Variants in HDAC9 observed in about 807,000 individuals in gnomAD.
HDAC9 encodes MEF-2 interacting transcription repressor (MITR) protein.
A neutral mutation model predicts 139.4 loss-of-function variants in HDAC9; 41 were observed. That is an observed-to-expected ratio of 0.29 (90% CI 0.23 to 0.38). The LOEUF is 0.38. HDAC9 is among the 10% of genes least tolerant of loss of function. The pLI is 1.00. For missense variants in HDAC9, 1,147 were observed against 1,297.0 expected, an observed-to-expected ratio of 0.88 and a Z score of 1.78; for synonymous variants, 517 against 476.2, an observed-to-expected ratio of 1.09 and a Z score of -1.12.
At chr7:18,758,310 G>A (rs1016128751) in intron 14 of HDAC9, among the ~76,000 whole-genome samples, 8 of 151,934 alleles carry the variant, frequency 5.3e-5, no homozygotes, top group South Asian at 2.1e-4. Flanking sequence ...GATATCCTTC[G>A]GACCAAGTAT....
chr7:18,485,443 TTA>T (rs1417132396), intron 1 of HDAC9, among the ~76,000 whole-genome samples: 1 of 149,726 alleles, frequency 6.7e-6, no homozygotes, highest in Non-Finnish European at 1.5e-5. Context: ...CATATTTAAT[TTA>T]TATATATTTA....
intron 1 of HDAC9, among the ~76,000 whole-genome samples, chr7:18,338,056 T>G (rs1259147408): frequency 6.6e-6 from 1 of 151,780 alleles, no homozygotes. Context: ...CACTATTGTT[T>G]TGATATTTAA....
chr7:18,633,098 G>A (rs1485215674), intron 7 of HDAC9, among the ~76,000 whole-genome samples: 2 of 152,046 alleles, frequency 1.3e-5, no homozygotes, highest in Non-Finnish European at 1.5e-5. Flanking sequence ...GACATATGAA[G>A]TCATGATACT....
intron 12 of HDAC9, among the ~76,000 whole-genome samples, chr7:18,726,333 T>C (rs1250938128): frequency 2.0e-5 from 3 of 152,094 alleles, no homozygotes; most frequent in African/African-American, 7.2e-5. Context: ...TGATGGCACA[T>C]ATTAGGTAGA....
At chr7:18,560,807 C>CA (rs1820339743) in intron 2 of HDAC9, among the ~76,000 whole-genome samples, 17 of 152,070 alleles carry the variant, frequency 1.1e-4, no homozygotes, top group Admixed American at 1.1e-3. Flanking sequence ...CCCCTGGAAT[C>CA]AGAGAGGGAG....
intron 22 of HDAC9, among the ~76,000 whole-genome samples, chr7:18,891,699 A>C (rs1355958904): frequency 1.3e-5 from 2 of 152,166 alleles, no homozygotes; most frequent in Non-Finnish European, 1.5e-5. Flanking sequence ...AGTTGTAATC[A>C]ACTTTCAATC....
intron 23 of HDAC9, 80 bp downstream of exon 23, chr7:18,936,022 T>G: frequency 7.3e-7 from 1 of 1,371,158 alleles, no homozygotes; most frequent in Non-Finnish European, 1.0e-6. Context: ...AAAAAAAAAT[T>G]CTGCATACTC....
intron 12 of HDAC9, among the ~76,000 whole-genome samples, chr7:18,681,205 CGA>C (rs1362027474): frequency 1.6e-4 from 24 of 151,838 alleles, no homozygotes; most frequent in African/African-American, 5.6e-4. Context: ...TGCCAAATCT[CGA>C]AATCTTTCAG....
chr7:18,436,018 A>C (rs1019033988), intron 1 of HDAC9, among the ~76,000 whole-genome samples: 1 of 151,492 alleles, frequency 6.6e-6, no homozygotes, highest in East Asian at 1.9e-4. Context: ...AGGTTTCACT[A>C]TGTTGCCCAG....
chr7:18,850,875 G>A (rs1287365616), intron 21 of HDAC9, among the ~76,000 whole-genome samples: 1 of 152,148 alleles, frequency 6.6e-6, no homozygotes, highest in African/African-American at 2.4e-5. Context: ...CATGGTGGAA[G>A]GGTGAGGCAA....
At chr7:18,962,246 C>T (rs920035488) in intron 24 of HDAC9, among the ~76,000 whole-genome samples, 1 of 152,106 alleles carries the variant, frequency 6.6e-6, no homozygotes, top group African/African-American at 2.4e-5. Context: ...GAGGCCTTGA[C>T]GTTAGAGTCC....
chr7:18,869,147 G>GGTGTGTGT (rs58034239), intron 21 of HDAC9, among the ~76,000 whole-genome samples: 1,988 of 138,190 alleles, frequency 0.014, 23 homozygotes, highest in African/African-American at 0.022. Flanking sequence ...TCACAATTGG[G>GGTGTGTGT]GTGTGTGTGT....
intron 1 of HDAC9, among the ~76,000 whole-genome samples, chr7:18,092,298 G>C (rs1462209279): frequency 6.6e-6 from 1 of 152,132 alleles, no homozygotes; most frequent in Non-Finnish European, 1.5e-5. Context: ...GCTGAGGTGG[G>C]AGGATCACCT....
At chr7:18,373,845 TA>T (rs1423197248) in intron 1 of HDAC9, among the ~76,000 whole-genome samples, 10 of 152,164 alleles carry the variant, frequency 6.6e-5, no homozygotes, top group Non-Finnish European at 1.2e-4. Flanking sequence ...AGAGAAACAG[TA>T]GACTTATACT....
At chr7:18,499,337 T>G (rs112287976) in intron 2 of HDAC9, among the ~76,000 whole-genome samples, 2,882 of 152,220 alleles carry the variant, frequency 0.019, 92 homozygotes, top group African/African-American at 0.066. Flanking sequence ...GAATACAAGT[T>G]TTTTTTATGG....
chr7:18,876,600 T>A (rs1263546398), intron 22 of HDAC9, among the ~76,000 whole-genome samples: 1 of 152,140 alleles, frequency 6.6e-6, no homozygotes, highest in East Asian at 1.9e-4. Flanking sequence ...GGGGTTAAAA[T>A]CAAAGTTCTT....
At chr7:18,722,865 C>G (rs981210493) in intron 12 of HDAC9, among the ~76,000 whole-genome samples, 1 of 152,026 alleles carries the variant, frequency 6.6e-6, no homozygotes, top group Admixed American at 6.6e-5. Context: ...GTTCATAGTT[C>G]CAATAATTAT....
At chr7:18,296,646 T>C (rs1798169072) in intron 1 of HDAC9, among the ~76,000 whole-genome samples, 1 of 152,190 alleles carries the variant, frequency 6.6e-6, no homozygotes, top group Admixed American at 6.5e-5. Flanking sequence ...TTTTAAAATG[T>C]CTATGCCTGT....
intron 16 of HDAC9, among the ~76,000 whole-genome samples, chr7:18,785,815 A>G (rs949214953): frequency 1.3e-5 from 2 of 152,110 alleles, no homozygotes; most frequent in East Asian, 3.9e-4. Flanking sequence ...TTCTCTAATT[A>G]CTAGCTGAAT....
Sources: gnomAD v4.1 joint callset for allele counts (sites outside exome capture counted in the v4.1 genomes callset) on GRCh38, gnomAD v4.1.1 for gene constraint, MANE v1.5 for transcripts, NCBI Gene and HGNC (gene_info 2026-07-23, HGNC 2026-07-21) for gene names.